Variants in NPBWR2 observed in about 807,000 individuals in gnomAD.
NPBWR2 encodes neuropeptides B/W receptor type 2.
For missense variants in NPBWR2, 390 were observed against 458.2 expected, an observed-to-expected ratio of 0.85 and a Z score of 1.36; for synonymous variants, 207 against 223.5, an observed-to-expected ratio of 0.93 and a Z score of 0.66.
chr20:64,105,743 T>TGATTATG lies in NPBWR2; in HGVS notation c.*86_*87insCATAATC. ...TGGGGGTGGGGGGGGGTGGGCCTGATGGGGGTGTGGGCATGATGATGATGG... is the reference window on the plus strand; with the variant it reads ...TGGGGGTGGGGGGGGGTGGGCCTGATGATTATGGGGGGTGTGGGCATGATGATGATGG... On this transcript the variant is annotated 3_prime_UTR_variant, in exon 2 of 2. Transcript: ENST00000684052. 1.5e-6 allele frequency: 1 copy of TGATTATG among 675,088 alleles called. No homozygotes were observed. The highest frequency in any genetic ancestry group is 3.8e-5 in the East Asian group (1 of 26,602). 41.8% of individuals were successfully genotyped at this position (675,088 alleles called of 1,614,324 possible).
In NPBWR2 at chr20:64,107,347, C is replaced by T. The variant is rs575190817; in HGVS notation, c.-92+17G>A. Among the ~76,000 whole-genome samples the T allele has an allele frequency of 2.3e-4, 35 of 152,232 alleles. No individual in the cohort carries two copies. The highest frequency in any genetic ancestry group is 4.1e-4 in the Non-Finnish European group (28 of 68,038). On this transcript the variant is annotated intron_variant, in intron 1 of 1. Transcript: ENST00000684052. The surrounding 1 kb of genome is among the most constrained non-coding windows in gnomAD (Gnocchi z 6.3). The stretch of plus-strand genomic sequence containing the variant: ...GCTGCAGACCCTGCTGGTCCAGCTA[C>T]TCTTCTCTCCACTGACCTGTCCAGT...
At position 64,106,507 on chromosome 20, in the gene NPBWR2, A is replaced by G. The variant is rs542071442; in HGVS notation, c.325T>C (p.Tyr109His). Residue 109 changes from tyrosine to histidine, a missense_variant, in exon 2 of 2, where the codon TAC becomes CAC. Physicochemically the swap from Tyr to His is moderately conservative, Grantham distance 83. Transcript: ENST00000684052. This position sits in a 1 kb window ranked among gnomAD's most constrained non-coding sequence, Gnocchi z 9.5. ...CAGAGCAGCTCCCCGAAGGGCCAGT[A>G]CTGCAGCAGGTGCTCCGCGATGTTG... is the stretch of plus-strand genomic sequence containing the variant. Reference protein sequence around the residue: ...PVNIAEHLLQYWPFGELLCKL... With the variant: ...PVNIAEHLLQHWPFGELLCKL... 14 of 1,612,590 alleles carry G rather than the reference A, an allele frequency of 8.7e-6. No homozygotes were observed. The East Asian group carries it at 3.1e-4, about 36-fold the overall frequency.
Position 64,106,538 on chromosome 20 carries a change from C to A in NPBWR2, c.294G>T (p.Leu98=), listed in dbSNP as rs200367311. ...GCAGGTGCTCCGCGATGTTGACGGG[C>A]AGTACCAGCGTGAAGAGCCCGTCGG... is the stretch of plus-strand genomic sequence containing the variant. ...AVADGLFTLV[L]PVNIAEHLLQ... The change falls in exon 2 of 2, where the codon CTG becomes CTT. Residue 98 remains leucine, a synonymous_variant. Transcript: ENST00000684052. This position sits in a 1 kb window ranked among gnomAD's most constrained non-coding sequence, Gnocchi z 9.5. 7.4e-6 allele frequency: 12 copies of A among 1,612,228 alleles called. No homozygotes were observed. The Admixed American group carries it at 1.8e-4, about 25-fold the overall frequency.
At position 64,105,973 on chromosome 20, in the gene NPBWR2, C is replaced by T. The variant is rs1462916748; in HGVS notation, c.859G>A (p.Asp287Asn). The change falls in exon 2 of 2, where the codon GAC (aspartate) becomes AAC (asparagine). Residue 287 changes from aspartate to asparagine, a missense_variant. Asp to Asn is a conservative substitution (Grantham distance 23). Coordinates refer to ENST00000684052, the MANE Select transcript of NPBWR2 (RefSeq NM_005286.4). ...HLASVVALTT[D>N]LPQTPLVISM... Reference sequence around the variant, plus strand: ...ATGACCAGTGGGGTCTGGGGCAGGTCCGTGGTCAGGGCCACGACAGAGGCC... The same window carrying T: ...ATGACCAGTGGGGTCTGGGGCAGGTTCGTGGTCAGGGCCACGACAGAGGCC... 2 of 1,612,638 alleles carry T rather than the reference C, an allele frequency of 1.2e-6. No homozygotes were observed. Among genetic ancestry groups the T allele is most frequent in the Non-Finnish European group, 1.7e-6 (2 of 1,179,876 alleles).
chr20:64,105,291 G>A lies in NPBWR2; in HGVS notation c.*539C>T, dbSNP rs894124777. Among the ~76,000 whole-genome samples the A allele has an allele frequency of 2.6e-5, 4 of 151,204 alleles. No individual in the cohort carries two copies. Among genetic ancestry groups the A allele is most frequent in the Non-Finnish European group, 5.9e-5 (4 of 67,850 alleles). On this transcript the variant is annotated 3_prime_UTR_variant, in exon 2 of 2. Coordinates refer to ENST00000684052, the MANE Select transcript of NPBWR2 (RefSeq NM_005286.4). ...CTGTCTCTCGTGGGTAAGTGGGCCCGGGATGCTTGCTGTGTGGGGGCCTCT... is the reference window on the plus strand; with the variant it reads ...CTGTCTCTCGTGGGTAAGTGGGCCCAGGATGCTTGCTGTGTGGGGGCCTCT...
rs1473768516 is a variant in NPBWR2, at chr20:64,105,929, G to A, written c.903C>T (p.Ile301=). The part of the protein sequence containing the change: ...TPLVISMSYV[I]TSLSYANSCL... ...ACGAGTTGGCGTAGCTGAGGCTGGT[G>A]ATGACGTAGGACATACTGATGACCA... The change falls in exon 2 of 2, where the codon ATC becomes ATT. Residue 301 remains isoleucine, a synonymous_variant. Coordinates refer to ENST00000684052, the MANE Select transcript of NPBWR2 (RefSeq NM_005286.4). 1.2e-6 allele frequency: 2 copies of A among 1,612,708 alleles called. No homozygotes were observed. The highest frequency in any genetic ancestry group is 1.7e-6 in the Non-Finnish European group (2 of 1,179,826).
rs1036500480 is a variant in NPBWR2, at chr20:64,105,274, C to T, written c.*556G>A. Among the ~76,000 whole-genome samples, 3 of 151,362 alleles carry T rather than the reference C, an allele frequency of 2.0e-5. No individual in the cohort carries two copies. Among genetic ancestry groups the T allele is most frequent in the Admixed American group, 1.3e-4 (2 of 15,214 alleles). ...GGGGCTTGTCCATCTGTCTGTCTCT[C>T]GTGGGTAAGTGGGCCCGGGATGCTT... On this transcript the variant is annotated 3_prime_UTR_variant, in exon 2 of 2. Coordinates refer to ENST00000684052, the MANE Select transcript of NPBWR2 (RefSeq NM_005286.4).
rs1979974139 is a variant in NPBWR2, at chr20:64,105,675, G to GATGATGGGCA, written c.*154_*155insTGCCCATCAT. 7.4e-5 allele frequency: 20 copies of GATGATGGGCA among 271,100 alleles called. No homozygotes were observed. The highest frequency in any genetic ancestry group is 7.3e-4 in the African/African-American group (10 of 13,652). 16.8% of individuals were successfully genotyped at this position (271,100 alleles called of 1,614,324 possible). A position where few individuals can be genotyped will look rare whatever the true frequency, so the allele number is the denominator to read the frequency against. Reference sequence around the variant, plus strand: ...GATGGGGGTGGGCATGATGATGGGCGTGATGATGGGGGTGGTGGTGGGGGT... The same window carrying GATGATGGGCA: ...GATGGGGGTGGGCATGATGATGGGCGATGATGGGCATGATGATGGGGGTGGTGGTGGGGGT... On this transcript the variant is annotated 3_prime_UTR_variant, in exon 2 of 2. Coordinates refer to ENST00000684052, the MANE Select transcript of NPBWR2 (RefSeq NM_005286.4).
Position 64,106,668 on chromosome 20 carries a change from A to C in NPBWR2, c.164T>G (p.Ile55Ser). 6.2e-7 allele frequency: 1 copy of C among 1,612,806 alleles called. No homozygotes were observed. The highest frequency in any genetic ancestry group is 8.5e-7 in the Non-Finnish European group (1 of 1,180,016). Reference protein sequence around the residue: ...YVLLPAVYSGICAVGLTGNTA... With the variant: ...YVLLPAVYSGSCAVGLTGNTA... ...GTTGCCAGTCAGCCCCACAGCACAG[A>C]TCCCGGAGTACACGGCGGGCAGGAG... Residue 55 changes from isoleucine to serine, a missense_variant, in exon 2 of 2, where the codon ATC (isoleucine) becomes AGC (serine). Coordinates refer to ENST00000684052, the MANE Select transcript of NPBWR2 (RefSeq NM_005286.4). This position sits in a 1 kb window ranked among gnomAD's most constrained non-coding sequence, Gnocchi z 9.5.
chr20:64,106,873 G>A lies in NPBWR2; in HGVS notation c.-42C>T. 6.3e-7 allele frequency: 1 copy of A among 1,583,752 alleles called. No homozygotes were observed. Among genetic ancestry groups the A allele is most frequent in the South Asian group, 1.1e-5 (1 of 88,692 alleles). On this transcript the variant is annotated 5_prime_UTR_variant, in exon 2 of 2. Coordinates refer to ENST00000684052, the MANE Select transcript of NPBWR2 (RefSeq NM_005286.4). This position sits in a 1 kb window ranked among gnomAD's most constrained non-coding sequence, Gnocchi z 9.5. ...GACGATTTGCGCCCTGGGCAGGTGG[G>A]AGGTGCCTTGGAGTTGGGTATCTGG...
In NPBWR2 at chr20:64,105,786, G is replaced by GGGTGGGC; in HGVS notation, c.*43_*44insGCCCACC. 1 of 1,324,770 alleles carries GGGTGGGC rather than the reference G, an allele frequency of 7.5e-7. No homozygotes were observed. Among genetic ancestry groups the GGGTGGGC allele is most frequent in the East Asian group, 2.3e-5 (1 of 42,960 alleles). The allele number at this position is 1,324,770 out of a possible 1,614,324, so 82.1% of individuals were successfully genotyped here. Reference sequence around the variant, plus strand: ...GATGATGGGCGTGATGATGATGGGGGGTGATGATGGGCATGATGATGGGGG... The same window carrying GGGTGGGC: ...GATGATGGGCGTGATGATGATGGGGGGGTGGGCGTGATGATGGGCATGATGATGGGGG... On this transcript the variant is annotated 3_prime_UTR_variant, in exon 2 of 2. Coordinates refer to ENST00000684052, the MANE Select transcript of NPBWR2 (RefSeq NM_005286.4).
rs1039909734 is a variant in NPBWR2, at chr20:64,107,162, C to T, written c.-92+202G>A. 7.0e-6 allele frequency: 3 copies of T among 427,332 alleles called. No homozygotes were observed. Among genetic ancestry groups the T allele is most frequent in the Admixed American group, 7.8e-5 (2 of 25,694 alleles). The allele number at this position is 427,332 out of a possible 1,614,324, so 26.5% of individuals were successfully genotyped here. A position where few individuals can be genotyped will look rare whatever the true frequency, so the allele number is the denominator to read the frequency against. ...ACCCTCCTGGGAAGAGATGTGGATC[C>T]GTCCCTGCCCCAGCAACCCGCAGAT... On this transcript the variant is annotated intron_variant, in intron 1 of 1. Transcript: ENST00000684052. This position sits in a 1 kb window ranked among gnomAD's most constrained non-coding sequence, Gnocchi z 6.3.
rs778287157 is a variant in NPBWR2, at chr20:64,106,313, G to C, written c.519C>G (p.Gly173=). 2.1e-5 allele frequency: 34 copies of C among 1,612,718 alleles called. No homozygotes were observed. Among genetic ancestry groups the C allele is most frequent in the Non-Finnish European group, 2.8e-5 (33 of 1,180,018 alleles). ...AKVASLCVWL[G]VTVLVLPFFS... is the part of the protein sequence containing the mutation. ...AGAAGGGCAGAACCAGGACCGTGAC[G>C]CCCAGCCAGACACACAGGCTGGCGA... The change falls in exon 2 of 2, where the codon GGC becomes GGG. Residue 173 remains glycine (G), a synonymous_variant. Transcript: ENST00000684052. This position sits in a 1 kb window ranked among gnomAD's most constrained non-coding sequence, Gnocchi z 9.5.
Position 64,106,836 on chromosome 20 carries a change from G to T in NPBWR2, c.-5C>A, listed in dbSNP as rs1266964640. The T allele has an allele frequency of 5.6e-6, 9 of 1,603,740 alleles. No homozygotes were observed. Among genetic ancestry groups the T allele is most frequent in the Non-Finnish European group, 7.7e-6 (9 of 1,173,098 alleles). ...TGGGTGCCCAGCGGCCTGCATTGTA[G>T]CTGGGACCGTTGACGATTTGCGCCC... is the stretch of plus-strand genomic sequence containing the variant. On this transcript the variant is annotated 5_prime_UTR_variant, in exon 2 of 2. Transcript: ENST00000684052. The surrounding 1 kb of genome is among the most constrained non-coding windows in gnomAD (Gnocchi z 9.5).
chr20:64,104,362 G>T lies in NPBWR2; in HGVS notation c.*1468C>A, dbSNP rs751511214. ...TGCCAGCCTGTCCAAGTGATGGATG[G>T]TCCCTAGGCTGTGGTGGCCCAGAGG... On this transcript the variant is annotated 3_prime_UTR_variant, in exon 2 of 2. Transcript: ENST00000684052. Among the ~76,000 whole-genome samples the T allele has an allele frequency of 2.0e-5, 3 of 152,224 alleles. No homozygotes were observed. The highest frequency in any genetic ancestry group is 4.4e-5 in the Non-Finnish European group (3 of 68,028).
rs1320506014 is a variant in NPBWR2 at position 64,104,522 on chromosome 20, G to A, written c.*1308C>T. On this transcript the variant is annotated 3_prime_UTR_variant, in exon 2 of 2. Transcript: ENST00000684052. ...GGGAGCACAGGCCATGGAGAGGACC[G>A]TCAGACACAGCAGGGGGGCACAGGG... Among the ~76,000 whole-genome samples, 3 of 149,586 alleles carry A rather than the reference G, an allele frequency of 2.0e-5. No homozygotes were observed. Among genetic ancestry groups the A allele is most frequent in the African/African-American group, 7.4e-5 (3 of 40,418 alleles).
rs1347586576 is a variant in NPBWR2, at chr20:64,103,920, G to A, written c.*1910C>T. 6.6e-6 allele frequency among the ~76,000 whole-genome samples: 1 copy of A among 152,258 alleles called. No individual in the cohort carries two copies. The highest frequency in any genetic ancestry group is 6.5e-5 in the Admixed American group (1 of 15,288). On this transcript the variant is annotated 3_prime_UTR_variant, in exon 2 of 2. Transcript: ENST00000684052. ...CTGGCTAGCACGGAGGAGGGGCACT[G>A]CTGCAGGCCTGAGCCGAGTGGGCTG...
Position 64,106,824 on chromosome 20 carries a change from G to A in NPBWR2, c.8C>T (p.Ala3Val). The change falls in exon 2 of 2, where the codon GCC becomes GTC. Residue 3 changes from alanine (A) to valine (V), a missense_variant. Ala to Val is a moderately conservative substitution (Grantham distance 64, BLOSUM62 0). Transcript: ENST00000684052. The surrounding 1 kb of genome is among the most constrained non-coding windows in gnomAD (Gnocchi z 9.5). ...GTCAAGGGGCTCTGGGTGCCCAGCG[G>A]CCTGCATTGTAGCTGGGACCGTTGA... MQ[A>V]AGHPEPLDSR... 1 of 1,609,894 alleles carries A rather than the reference G, an allele frequency of 6.2e-7. No individual in the cohort carries two copies. Among genetic ancestry groups the A allele is most frequent in the African/African-American group, 1.3e-5 (1 of 74,946 alleles).
At position 64,106,762 on chromosome 20, in the gene NPBWR2, T is replaced by C. The variant is rs1271040022; in HGVS notation, c.70A>G (p.Asn24Asp). 1.9e-6 allele frequency: 3 copies of C among 1,612,696 alleles called. No individual in the cohort carries two copies. The Admixed American group carries it at 5.0e-5, about 27-fold the overall frequency. Residue 24 changes from asparagine (N) to aspartate (D), a missense_variant, in exon 2 of 2, where the codon AAC becomes GAC. Transcript: ENST00000684052. This position sits in a 1 kb window ranked among gnomAD's most constrained non-coding sequence, Gnocchi z 9.5. ...CCAGTGCCATTGTCCTGAGAGACGT[T>C]GGCACCCATCGTGGGGAGGGAGAAG... ...GSFSLPTMGANVSQDNGTGHN... is the reference protein window; with the variant it reads ...GSFSLPTMGADVSQDNGTGHN...
Sources: gnomAD v4.1 joint callset for allele counts (sites outside exome capture counted in the v4.1 genomes callset) on GRCh38, gnomAD v4.1.1 for gene constraint, Gnocchi (gnomAD v3.1) non-coding constraint, MANE v1.5 for transcripts, NCBI Gene and HGNC (gene_info 2026-07-23, HGNC 2026-07-21) for gene names.